Variants in SYCP1 observed in about 807,000 individuals in gnomAD.
SYCP1 encodes the protein cancer/testis antigen 8.
In SYCP1, 64 loss-of-function variants were observed where a neutral mutation model predicts 153.1. The ratio of observed to expected loss-of-function variants is 0.42; its 90% CI spans 0.34 to 0.51. The LOEUF (loss-of-function observed/expected upper bound fraction) is 0.51. SYCP1 is among the 20% of genes least tolerant of loss of function. The pLI is 0.06. For synonymous variants in SYCP1, 384 were observed against 341.8 expected, an observed-to-expected ratio of 1.12 and a Z score of -1.36; for missense variants, 997 against 1,049.0, an observed-to-expected ratio of 0.95 and a Z score of 0.68.
intron 8 of SYCP1, among the ~76,000 whole-genome samples, chr1:114,867,968 G>A (rs900327948): frequency 2.0e-5 from 3 of 151,808 alleles, no homozygotes; most frequent in African/African-American, 7.3e-5. Context: ...TATCATGAGT[G>A]GGTGTTGGAT....
At chr1:114,912,414 A>C (rs1405561846) in intron 18 of SYCP1, among the ~76,000 whole-genome samples, 2 of 151,934 alleles carry the variant, frequency 1.3e-5, no homozygotes, top group Non-Finnish European at 2.9e-5. Flanking sequence ...TCCTAAAATC[A>C]CTCTGTAGAG....
intron 15 of SYCP1, among the ~76,000 whole-genome samples, chr1:114,895,090 C>G (rs1287455912): frequency 6.6e-6 from 1 of 152,018 alleles, no homozygotes; most frequent in Non-Finnish European, 1.5e-5. Flanking sequence ...AGAATCACTT[C>G]TTTTAAGTTT....
chr1:114,860,912 T>G, intron 8 of SYCP1, 103 bp downstream of exon 8: 2 of 781,104 alleles, frequency 2.6e-6, no homozygotes, highest in Non-Finnish European at 4.0e-6. Context: ...CAATTTGATT[T>G]GAACAAATTA....
intron 16 of SYCP1, among the ~76,000 whole-genome samples, chr1:114,901,640 C>G (rs1198080106): frequency 6.6e-6 from 1 of 152,174 alleles, no homozygotes; most frequent in African/African-American, 2.4e-5. Context: ...CTCCCAAGGA[C>G]AGCAAGATGG....
intron 9 of SYCP1, 134 bp from the exon 10 acceptor site, chr1:114,875,934 AC>A: frequency 3.7e-6 from 2 of 536,662 alleles, no homozygotes; most frequent in Non-Finnish European, 6.4e-6. Flanking sequence ...AATTCAAATT[AC>A]AGTGTTTTAG....
At chr1:114,868,453 A>T (rs1034027097) in intron 8 of SYCP1, among the ~76,000 whole-genome samples, 3 of 151,914 alleles carry the variant, frequency 2.0e-5, no homozygotes, top group Admixed American at 6.6e-5. Context: ...GGCTCCTTTT[A>T]TATATTGTTG....
At chr1:114,983,244 A>G (rs1274830386) in intron 29 of SYCP1, among the ~76,000 whole-genome samples, 1 of 151,954 alleles carries the variant, frequency 6.6e-6, no homozygotes, top group Non-Finnish European at 1.5e-5. Flanking sequence ...CTATATTTCC[A>G]GGAATATATC....
At chr1:114,881,542 T>TCC (rs397981389) in intron 12 of SYCP1, among the ~76,000 whole-genome samples, 50,052 of 150,116 alleles carry the variant, frequency 0.33, 10,150 homozygotes, top group East Asian at 0.44. Context: ...CTTCCTTCCT[T>TCC]TCTTGATGGA....
In SYCP1 at chr1:114,911,532, G is replaced by A; in HGVS notation, c.1479G>A (p.Gln493=). The change falls in exon 18 of 32, where the codon CAG becomes CAA. Residue 493 remains glutamine (Q), a synonymous_variant. Transcript: ENST00000369522. The part of the protein sequence containing the change: ...IQLTAITTSE[Q]YYSKEVKDLK... ...TAACTGCCATTACCACAAGTGAACAGTATTATTCAAAAGAGGTTAAAGATC... is the reference window on the plus strand; with the variant it reads ...TAACTGCCATTACCACAAGTGAACAATATTATTCAAAAGAGGTTAAAGATC... 6.4e-7 allele frequency: 1 copy of A among 1,553,884 alleles called. No individual in the cohort carries two copies. Among genetic ancestry groups the A allele is most frequent in the Non-Finnish European group, 8.7e-7 (1 of 1,154,962 alleles).
In SYCP1 at chr1:114,995,304, G is replaced by T; in HGVS notation, c.*285G>T. 4.5e-6 allele frequency: 1 copy of T among 221,602 alleles called. No homozygotes were observed. Among genetic ancestry groups the T allele is most frequent in the Non-Finnish European group, 8.9e-6 (1 of 112,784 alleles). 13.7% of individuals were successfully genotyped at this position (221,602 alleles called of 1,614,324 possible). ...TTTCAAATTTGTAAAGTTAGCCTTTGAATGCTAAGAATGCATTATTGAGGG... is the reference window on the plus strand; with the variant it reads ...TTTCAAATTTGTAAAGTTAGCCTTTTAATGCTAAGAATGCATTATTGAGGG... On this transcript the variant is annotated 3_prime_UTR_variant, in exon 32 of 32. Coordinates refer to ENST00000369522, the MANE Select transcript of SYCP1 (RefSeq NM_003176.4).
intron 27 of SYCP1, among the ~76,000 whole-genome samples, chr1:114,953,798 A>G (rs1557829852): frequency 6.6e-6 from 1 of 152,188 alleles, no homozygotes; most frequent in Non-Finnish European, 1.5e-5. Context: ...CATATATTTT[A>G]GAATAAATTT....
In SYCP1 at chr1:114,860,747, C is replaced by G; in HGVS notation, c.536C>G (p.Thr179Arg). The G allele has an allele frequency of 6.3e-7, 1 of 1,594,188 alleles. No homozygotes were observed. The change falls in exon 8 of 32, where the codon ACA becomes AGA. Residue 179 changes from threonine to arginine, a missense_variant. This residue lies in a region of SYCP1 where 285 missense variants were observed against 366.1 expected (regional missense o/e 0.78). Coordinates refer to ENST00000369522, the MANE Select transcript of SYCP1 (RefSeq NM_003176.4). ...NKDLIKENNA[T>R]RHLCNLLKET... ...TTCCTTTGTTTCAGGAATAATGCCA[C>G]AAGGCATTTATGTAATCTACTCAAA...
At chr1:114,950,264 AC>A (rs1459145921) in intron 27 of SYCP1, among the ~76,000 whole-genome samples, 1 of 152,202 alleles carries the variant, frequency 6.6e-6, no homozygotes, top group Non-Finnish European at 1.5e-5. Flanking sequence ...CCTGGAGATA[AC>A]AAGGAGTAGG....
intron 29 of SYCP1, 132 bp from the exon 30 acceptor site, chr1:114,984,593 A>T: frequency 1.5e-6 from 1 of 674,918 alleles, no homozygotes. Context: ...TTTGCCTCAT[A>T]TACTTGCCAA....
intron 30 of SYCP1, among the ~76,000 whole-genome samples, chr1:114,986,077 T>C (rs979627346): frequency 6.6e-6 from 1 of 151,966 alleles, no homozygotes; most frequent in Non-Finnish European, 1.5e-5. Flanking sequence ...AAATATTATA[T>C]CATTTTACAT....
Position 114,888,520 on chromosome 1 carries a change from G to A in SYCP1, c.1258+827G>A, listed in dbSNP as rs372295559. On this transcript the variant is annotated intron_variant, in intron 15 of 31. Coordinates refer to ENST00000369522, the MANE Select transcript of SYCP1 (RefSeq NM_003176.4). Reference sequence around the variant, plus strand: ...GACCATATTTATCCTTTTTTTCTGTGAGGCTTAATTTTCCACTATAGATTA... The same window carrying A: ...GACCATATTTATCCTTTTTTTCTGTAAGGCTTAATTTTCCACTATAGATTA... Among the ~76,000 whole-genome samples the A allele has an allele frequency of 8.2e-4, 124 of 151,642 alleles. 2 individuals are homozygous for A. In the South Asian group the frequency reaches 0.025, roughly 31 times the overall value.
At chr1:114,973,169 G>C (rs1237600508) in intron 27 of SYCP1, among the ~76,000 whole-genome samples, 2 of 152,066 alleles carry the variant, frequency 1.3e-5, no homozygotes, top group African/African-American at 4.8e-5. Flanking sequence ...AAGGAGCCCA[G>C]AGAAAAAGAT....
chr1:114,960,403 G>A (rs1671711871), intron 27 of SYCP1, among the ~76,000 whole-genome samples: 1 of 152,012 alleles, frequency 6.6e-6, no homozygotes, highest in African/African-American at 2.4e-5. Context: ...CCTGACCTCA[G>A]GTGATCCACT....
At chr1:114,938,518 G>T (rs2101797084) in intron 23 of SYCP1, among the ~76,000 whole-genome samples, 1 of 151,814 alleles carries the variant, frequency 6.6e-6, no homozygotes, top group South Asian at 2.1e-4. Context: ...TGCACATTGT[G>T]CACATGTACC....
Sources: gnomAD v4.1 joint callset for allele counts (sites outside exome capture counted in the v4.1 genomes callset) on GRCh38, gnomAD v4.1.1 for gene constraint, gnomAD v4.1.1 regional missense constraint, MANE v1.5 for transcripts, NCBI Gene and HGNC (gene_info 2026-07-23, HGNC 2026-07-21) for gene names.